The following MOB3B variants were observed in gnomAD, a reference collection of about 807,000 sequenced individuals.
MOB3B encodes MOB kinase activator-like 2B.
Under a neutral mutation model 18.7 loss-of-function variants are expected in MOB3B, and 7 were observed. That is an observed-to-expected ratio of 0.37 (90% CI 0.21 to 0.70). The LOEUF (loss-of-function observed/expected upper bound fraction) is 0.70. Among genes scored for constraint, MOB3B ranks in the 30% least tolerant of loss-of-function variants. MOB3B has a pLI of 0.52. For synonymous variants in MOB3B, 111 were observed against 99.9 expected (o/e 1.11, Z -0.66); for missense variants, 253 against 281.3 (o/e 0.90, Z 0.72).
intron 3 of MOB3B, among the ~76,000 whole-genome samples, chr9:27,342,549 C>T (rs1434866776): frequency 6.6e-6 from 1 of 152,086 alleles, no homozygotes; most frequent in Non-Finnish European, 1.5e-5. Context: ...GCCATCTTGG[C>T]TCACCGCAAC....
chr9:27,388,266 T>C (rs1215542612), intron 2 of MOB3B, among the ~76,000 whole-genome samples: 2 of 152,216 alleles, frequency 1.3e-5, no homozygotes, highest in Non-Finnish European at 2.9e-5. Context: ...AAATGATTTA[T>C]GTAGGAGGCT....
intron 2 of MOB3B, among the ~76,000 whole-genome samples, chr9:27,435,309 G>A (rs1430655259): frequency 6.6e-6 from 1 of 151,968 alleles, no homozygotes; most frequent in Non-Finnish European, 1.5e-5. Context: ...TCATTTCTCT[G>A]GGGTTTTCCC....
At chr9:27,378,944 GCT>G (rs1821532741) in intron 2 of MOB3B, among the ~76,000 whole-genome samples, 1 of 152,172 alleles carries the variant, frequency 6.6e-6, no homozygotes, top group South Asian at 2.1e-4. Flanking sequence ...CTCAAAGCTT[GCT>G]CTCTTTCCAC....
chr9:27,326,872 T>A lies in MOB3B; in HGVS notation c.*3715A>T. 1 of 272,074 alleles carries A rather than the reference T, an allele frequency of 3.7e-6. No homozygotes were observed. The highest frequency in any genetic ancestry group is 6.8e-6 in the Non-Finnish European group (1 of 146,726). 16.9% of individuals were successfully genotyped at this position (272,074 alleles called of 1,614,324 possible). On this transcript the variant is annotated 3_prime_UTR_variant, in exon 4 of 4. Coordinates refer to ENST00000262244, the MANE Select transcript of MOB3B (RefSeq NM_024761.5). ...AATACTTTGTATCTGTTTATGTACT[T>A]GTGATCCTTTGGAGGGTCACAACTC...
At chr9:27,437,288 A>G (rs1035323757) in intron 2 of MOB3B, among the ~76,000 whole-genome samples, 1 of 152,220 alleles carries the variant, frequency 6.6e-6, no homozygotes, top group African/African-American at 2.4e-5. Flanking sequence ...TCTTGGCATT[A>G]AGACCTCTTA....
At chr9:27,430,079 C>T (rs1822395596) in intron 2 of MOB3B, among the ~76,000 whole-genome samples, 1 of 152,214 alleles carries the variant, frequency 6.6e-6, no homozygotes, top group African/African-American at 2.4e-5. Context: ...GTTGCTTAAA[C>T]ATTTCACCCT....
intron 2 of MOB3B, among the ~76,000 whole-genome samples, chr9:27,405,310 A>G (rs1041094013): frequency 5.9e-5 from 9 of 151,368 alleles, no homozygotes; most frequent in Non-Finnish European, 1.3e-4. Context: ...GCTTCACCAT[A>G]TTGGCTAGTC....
At chr9:27,447,241 G>A (rs1367807844) in intron 2 of MOB3B, among the ~76,000 whole-genome samples, 1 of 152,124 alleles carries the variant, frequency 6.6e-6, no homozygotes, top group South Asian at 2.1e-4. Flanking sequence ...GCAGAAAGAA[G>A]CCCTCTGGTG....
At chr9:27,381,721 A>G (rs1821580080) in intron 2 of MOB3B, among the ~76,000 whole-genome samples, 1 of 152,098 alleles carries the variant, frequency 6.6e-6, no homozygotes, top group South Asian at 2.1e-4. Context: ...ATCGTAGCTC[A>G]TTGTATCCTC....
At chr9:27,373,403 G>A (rs1821448851) in intron 2 of MOB3B, among the ~76,000 whole-genome samples, 2 of 152,180 alleles carry the variant, frequency 1.3e-5, no homozygotes, top group Admixed American at 1.3e-4. Context: ...ATATTTATTT[G>A]TTTGCAGATG....
chr9:27,476,077 G>T (rs1819549569), intron 1 of MOB3B, among the ~76,000 whole-genome samples: 1 of 152,152 alleles, frequency 6.6e-6, no homozygotes, highest in Non-Finnish European at 1.5e-5. Context: ...CTGGCCCCTG[G>T]ATACCTCTCC....
chr9:27,347,598 G>A (rs1459183749), intron 3 of MOB3B, among the ~76,000 whole-genome samples: 1 of 152,216 alleles, frequency 6.6e-6, no homozygotes, highest in Non-Finnish European at 1.5e-5. Context: ...CCAAGGTGTT[G>A]CGTGTAGGAT....
chr9:27,387,960 T>C (rs1821670668), intron 2 of MOB3B, among the ~76,000 whole-genome samples: 1 of 152,104 alleles, frequency 6.6e-6, no homozygotes, highest in South Asian at 2.1e-4. Context: ...CAGGCAACAT[T>C]TGGCAATGGC....
At chr9:27,495,557 C>T (rs948918852) in intron 1 of MOB3B, among the ~76,000 whole-genome samples, 1 of 152,028 alleles carries the variant, frequency 6.6e-6, no homozygotes, top group African/African-American at 2.4e-5. Flanking sequence ...CTGATGGCCC[C>T]AAGGGACTGC....
intron 2 of MOB3B, among the ~76,000 whole-genome samples, chr9:27,369,479 T>A (rs111239725): frequency 6.6e-6 from 1 of 152,324 alleles, no homozygotes; most frequent in African/African-American, 2.4e-5. Flanking sequence ...TTCTTCAATC[T>A]CCACTTGGCA....
chr9:27,400,175 C>T (rs1175849617), intron 2 of MOB3B, among the ~76,000 whole-genome samples: 1 of 152,234 alleles, frequency 6.6e-6, no homozygotes, highest in Non-Finnish European at 1.5e-5. Context: ...GTCCACAACA[C>T]AGTTCCTTGA....
intron 1 of MOB3B, among the ~76,000 whole-genome samples, chr9:27,467,355 G>C (rs1266251167): frequency 2.6e-5 from 4 of 152,208 alleles, no homozygotes; most frequent in Non-Finnish European, 5.9e-5. Flanking sequence ...TTGGGGATAA[G>C]TGAGATAATA....
At chr9:27,443,324 A>G (rs545092788) in intron 2 of MOB3B, among the ~76,000 whole-genome samples, 2 of 152,288 alleles carry the variant, frequency 1.3e-5, no homozygotes, top group South Asian at 4.1e-4. Flanking sequence ...AACTCTCCCA[A>G]TAGCTCACTC....
chr9:27,467,465 A>G (rs539574561), intron 1 of MOB3B, among the ~76,000 whole-genome samples: 2 of 152,380 alleles, frequency 1.3e-5, no homozygotes, highest in African/African-American at 4.8e-5. Flanking sequence ...AGTCCCAACC[A>G]TAATGTGCTC....
Sources: gnomAD v4.1 joint callset for allele counts (sites outside exome capture counted in the v4.1 genomes callset) on GRCh38, gnomAD v4.1.1 for gene constraint, MANE v1.5 for transcripts, NCBI Gene and HGNC (gene_info 2026-07-23, HGNC 2026-07-21) for gene names.